IGF1R: variants seen among roughly 807,000 people sequenced by gnomAD.
IGF1R encodes the protein insulin like growth factor 1 receptor.
A neutral mutation model predicts 144.6 loss-of-function variants in IGF1R; 44 were observed. The ratio of observed to expected loss-of-function variants is 0.30; its 90% CI spans 0.24 to 0.39. The LOEUF is 0.39. Among genes scored for constraint, IGF1R ranks in the 10% least tolerant of loss-of-function variants. The pLI, the probability that IGF1R is intolerant of heterozygous loss-of-function variation, is 1.00. For synonymous variants in IGF1R, 795 were observed against 722.8 expected, an observed-to-expected ratio of 1.10 and a Z score of -1.60; for missense variants, 1,355 against 1,833.7, an observed-to-expected ratio of 0.74 and a Z score of 4.77.
Position 98,963,854 on chromosome 15 carries a change from TTCCTCTAAC to T in IGF1R, c.*6416_*6424del, listed in dbSNP as rs2017323204. On this transcript the variant is annotated 3_prime_UTR_variant, in exon 21 of 21. Coordinates refer to ENST00000650285, the MANE Select transcript of IGF1R (RefSeq NM_000875.5). ...AAATTGGTTTTAAAGTTGACTCCAC[TTCCTCTAAC>T]TCCAGTGGATTGTTGGCCATGTCTC... The T allele has an allele frequency of 4.3e-6, 1 of 233,112 alleles. No homozygotes were observed. 14.4% of individuals were successfully genotyped at this position (233,112 alleles called of 1,614,324 possible).
chr15:98,924,870 G>A (rs980372539), intron 13 of IGF1R, among the ~76,000 whole-genome samples, 186 bp downstream of exon 13: 5 of 152,186 alleles, frequency 3.3e-5, no homozygotes, highest in Non-Finnish European at 7.3e-5. Flanking sequence ...CAGGGCAGAT[G>A]CCGAGCTTTG....
At chr15:98,768,864 G>C (rs1395599609) in intron 2 of IGF1R, among the ~76,000 whole-genome samples, 1 of 151,800 alleles carries the variant, frequency 6.6e-6, no homozygotes, top group Non-Finnish European at 1.5e-5. Flanking sequence ...GGAGGCGGAG[G>C]TTGCAGTGAG....
At chr15:98,782,067 T>C (rs927639846) in intron 2 of IGF1R, among the ~76,000 whole-genome samples, 1 of 152,152 alleles carries the variant, frequency 6.6e-6, no homozygotes, top group African/African-American at 2.4e-5. Flanking sequence ...ACTCCGGTGA[T>C]CCTCCTGCCT....
At chr15:98,856,553 A>G (rs1247183129) in intron 2 of IGF1R, among the ~76,000 whole-genome samples, 1 of 152,246 alleles carries the variant, frequency 6.6e-6, no homozygotes, top group Non-Finnish European at 1.5e-5. Context: ...GCTGAGTATT[A>G]AAGATACTGA....
At position 98,724,615 on chromosome 15, in the gene IGF1R, G is replaced by A. The variant is rs144644356; in HGVS notation, c.640+16508G>A. On this transcript the variant is annotated intron_variant, in intron 2 of 20. Transcript: ENST00000650285. ...GTGTCTAAAAGTTTGCTTGACTGCA[G>A]TGGGTCTCCAGCTCAGAGCAGGTCT... 4.4e-3 allele frequency among the ~76,000 whole-genome samples: 673 copies of A among 152,338 alleles called. 5 individuals are homozygous for A. The highest frequency in any genetic ancestry group is 0.014 in the African/African-American group (576 of 41,578).
At chr15:98,914,972 C>T (rs1166048505) in intron 8 of IGF1R, among the ~76,000 whole-genome samples, 1 of 152,200 alleles carries the variant, frequency 6.6e-6, no homozygotes, top group Non-Finnish European at 1.5e-5. Context: ...AGTATCATCC[C>T]TTAAAGATGT....
At position 98,959,327 on chromosome 15, in the gene IGF1R, G is replaced by C. The variant is rs34530803; in HGVS notation, c.*1885G>C. 8.4e-3 allele frequency: 1,953 copies of C among 233,708 alleles called. 30 individuals are homozygous for C. Among genetic ancestry groups the C allele is most frequent in the Non-Finnish European group, 9.8e-3 (1,157 of 118,032 alleles). 14.5% of individuals were successfully genotyped at this position (233,708 alleles called of 1,614,324 possible). On this transcript the variant is annotated 3_prime_UTR_variant, in exon 21 of 21. Transcript: ENST00000650285. ...CGAAAAACAGCTGCTGAGTCCAAGG[G>C]AGCAGCAGAGCGTGGTCCGGCAGGG...
At chr15:98,697,341 C>T (rs2053617813) in intron 1 of IGF1R, among the ~76,000 whole-genome samples, 1 of 152,176 alleles carries the variant, frequency 6.6e-6, no homozygotes, top group Non-Finnish European at 1.5e-5. Flanking sequence ...TAGCTCTTGC[C>T]CACTCAATAC....
chr15:98,900,514 T>C (rs2014428163), intron 5 of IGF1R: 1 of 152,276 alleles, frequency 6.6e-6, no homozygotes, highest in African/African-American at 2.4e-5. Flanking sequence ...AGGGTTTCTT[T>C]ACAGCCTCCC....
chr15:98,650,043 C>T (rs1376195169), intron 1 of IGF1R, among the ~76,000 whole-genome samples: 2 of 152,018 alleles, frequency 1.3e-5, no homozygotes, highest in East Asian at 3.9e-4. Context: ...CCCTTCCATG[C>T]GCAAGAGCCT....
rs2017203119 is a variant in IGF1R at position 98,960,980 on chromosome 15, C to T, written c.*3538C>T. 8.6e-6 allele frequency: 2 copies of T among 233,862 alleles called. No individual in the cohort carries two copies. The highest frequency in any genetic ancestry group is 8.5e-6 in the Non-Finnish European group (1 of 118,134). The allele number at this position is 233,862 out of a possible 1,614,324, so 14.5% of individuals were successfully genotyped here. On this transcript the variant is annotated 3_prime_UTR_variant, in exon 21 of 21. Coordinates refer to ENST00000650285, the MANE Select transcript of IGF1R (RefSeq NM_000875.5). ...GGACAGACGGCTCGCTCCCCTCTTC[C>T]AGCAGCTGCTCTTACAGGCACTGAT...
chr15:98,849,577 CAA>C (rs1194995590), intron 2 of IGF1R, among the ~76,000 whole-genome samples: 1 of 152,008 alleles, frequency 6.6e-6, no homozygotes, highest in Non-Finnish European at 1.5e-5. Context: ...ATTTAAATTA[CAA>C]AAAAACTTTC....
intron 1 of IGF1R, among the ~76,000 whole-genome samples, chr15:98,689,980 C>T (rs1266403498): frequency 6.6e-6 from 1 of 152,004 alleles, no homozygotes; most frequent in Non-Finnish European, 1.5e-5. Flanking sequence ...GTTTGGGGGT[C>T]AAGGAGATAG....
At chr15:98,656,768 G>A (rs535322250) in intron 1 of IGF1R, among the ~76,000 whole-genome samples, 6 of 152,106 alleles carry the variant, frequency 3.9e-5, no homozygotes, top group Non-Finnish European at 7.4e-5. Flanking sequence ...TACATAATAC[G>A]AATGCCGTTT....
At chr15:98,950,399 A>G (rs1367435076) in intron 20 of IGF1R, among the ~76,000 whole-genome samples, 2 of 152,224 alleles carry the variant, frequency 1.3e-5, no homozygotes, top group African/African-American at 4.8e-5. Flanking sequence ...GAGTCACAGG[A>G]GGCAGAAATC....
At chr15:98,753,159 C>T (rs2055059698) in intron 2 of IGF1R, among the ~76,000 whole-genome samples, 1 of 151,770 alleles carries the variant, frequency 6.6e-6, no homozygotes. Flanking sequence ...GTCTTGATCT[C>T]CTGACCTCGT....
At chr15:98,946,751 A>C (rs903628940) in intron 19 of IGF1R, among the ~76,000 whole-genome samples, 1 of 152,114 alleles carries the variant, frequency 6.6e-6, no homozygotes, top group Admixed American at 6.5e-5. Context: ...GGAATGGAGC[A>C]GTTGGGCCGG....
chr15:98,698,001 C>T (rs566793425), intron 1 of IGF1R, among the ~76,000 whole-genome samples: 11 of 148,046 alleles, frequency 7.4e-5, no homozygotes, highest in African/African-American at 2.8e-4. Flanking sequence ...TCCCGAAGTG[C>T]TGAGATTACA....
At chr15:98,929,903 T>C (rs1337275235) in intron 14 of IGF1R, among the ~76,000 whole-genome samples, 1 of 152,272 alleles carries the variant, frequency 6.6e-6, no homozygotes, top group African/African-American at 2.4e-5. Context: ...CAGATACTGC[T>C]GCTGGTGCAT....
Sources: gnomAD v4.1 joint callset for allele counts (sites outside exome capture counted in the v4.1 genomes callset) on GRCh38, gnomAD v4.1.1 for gene constraint, MANE v1.5 for transcripts, NCBI Gene and HGNC (gene_info 2026-07-23, HGNC 2026-07-21) for gene names.